Variants in CDH9 observed in about 807,000 individuals in gnomAD.
CDH9 encodes cadherin-9.
CDH9 carries 28 observed loss-of-function variants against 70.9 expected under a neutral mutation model. The ratio of observed to expected loss-of-function variants is 0.40; its 90% CI spans 0.29 to 0.54. The LOEUF (loss-of-function observed/expected upper bound fraction) is 0.54, where lower values mean the gene tolerates loss of function less well. Among genes scored for constraint, CDH9 ranks in the 20% least tolerant of loss-of-function variants. The probability of loss-of-function intolerance (pLI) is 0.59; values close to 1 mark genes in which losing one functional copy is unlikely to be tolerated. For missense variants in CDH9, 874 were observed against 984.4 expected, an observed-to-expected ratio of 0.89 and a Z score of 1.50; for synonymous variants, 409 against 343.1, an observed-to-expected ratio of 1.19 and a Z score of -2.12.
chr5:26,943,714 G>T (rs1267793406), intron 2 of CDH9, among the ~76,000 whole-genome samples: 1 of 152,156 alleles, frequency 6.6e-6, no homozygotes, highest in East Asian at 1.9e-4. Flanking sequence ...ATGGAAGTGG[G>T]AAGGTGATGG....
At chr5:27,020,939 T>C (rs971256746) in intron 1 of CDH9, among the ~76,000 whole-genome samples, 1 of 151,936 alleles carries the variant, frequency 6.6e-6, no homozygotes, top group South Asian at 2.1e-4. Flanking sequence ...TTAAACACTG[T>C]TATCAAAATA....
intron 1 of CDH9, among the ~76,000 whole-genome samples, chr5:26,997,221 C>A (rs1742681600): frequency 6.6e-6 from 1 of 151,796 alleles, no homozygotes; most frequent in South Asian, 2.1e-4. Flanking sequence ...AATAAATAAA[C>A]AAGGATCGAT....
At chr5:26,955,621 T>C (rs770976267) in intron 2 of CDH9, among the ~76,000 whole-genome samples, 2 of 152,104 alleles carry the variant, frequency 1.3e-5, no homozygotes, top group Non-Finnish European at 2.9e-5. Flanking sequence ...TGTTTCTCAT[T>C]ATTTCAATTT....
chr5:26,935,893 A>G (rs1237125166), intron 2 of CDH9, among the ~76,000 whole-genome samples: 1 of 152,228 alleles, frequency 6.6e-6, no homozygotes, highest in Non-Finnish European at 1.5e-5. Context: ...AGTGGCATAT[A>G]TATATACCAT....
intron 2 of CDH9, among the ~76,000 whole-genome samples, chr5:26,969,344 C>T (rs1742179301): frequency 6.6e-6 from 1 of 152,008 alleles, no homozygotes; most frequent in African/African-American, 2.4e-5. Context: ...TAATCCCCTG[C>T]CAAGTATTAA....
chr5:26,986,205 C>T (rs951473332), intron 2 of CDH9, among the ~76,000 whole-genome samples: 1 of 151,654 alleles, frequency 6.6e-6, no homozygotes, highest in Admixed American at 6.6e-5. Context: ...TATTTATTTC[C>T]CCCAAACATC....
Position 26,885,863 on chromosome 5 carries a change from T to C in CDH9, c.1633A>G (p.Asn545Asp), listed in dbSNP as rs1199762035. 11 of 1,612,626 alleles carry C rather than the reference T, an allele frequency of 6.8e-6. No individual in the cohort carries two copies. Among genetic ancestry groups the C allele is most frequent in the Non-Finnish European group, 8.5e-6 (10 of 1,179,032 alleles). ...TTCCGAGTCATGATTCCTGCTGTAT[T>C]ATCTGGGGGAGAAAACATGTAAAAA... ...PNFTIVDNKD[N>D]TAGIMTRKDG... is the part of the protein sequence containing the mutation. The change falls in exon 11 of 12, where the codon AAT becomes GAT. Residue 545 changes from asparagine to aspartate, a missense_variant and splice_region_variant. Asn to Asp is a conservative substitution (Grantham distance 23). Transcript: ENST00000231021.
At chr5:26,916,228 T>G (rs1452326145) in intron 2 of CDH9, among the ~76,000 whole-genome samples, 1 of 152,010 alleles carries the variant, frequency 6.6e-6, no homozygotes, top group Non-Finnish European at 1.5e-5. Flanking sequence ...TCCAGTGCAT[T>G]ACAAAAAAAT....
chr5:27,022,258 A>C (rs1743150664), intron 1 of CDH9, among the ~76,000 whole-genome samples: 1 of 151,998 alleles, frequency 6.6e-6, no homozygotes, highest in South Asian at 2.1e-4. Flanking sequence ...TTTTTAATCT[A>C]GTTTTTCACA....
chr5:26,886,579 G>A (rs955445279), intron 9 of CDH9, among the ~76,000 whole-genome samples: 1 of 151,860 alleles, frequency 6.6e-6, no homozygotes, highest in Admixed American at 6.6e-5. Context: ...AAATTTGTCT[G>A]TACTATCAGA....
chr5:26,951,084 G>A (rs1217689319), intron 2 of CDH9, among the ~76,000 whole-genome samples: 1 of 151,950 alleles, frequency 6.6e-6, no homozygotes, highest in Non-Finnish European at 1.5e-5. Flanking sequence ...ATGAAGTCAG[G>A]AGTTCGAGGC....
Position 26,908,847 on chromosome 5 carries a change from T to C in CDH9, c.524-2009A>G, listed in dbSNP as rs372718532. 3.7e-4 allele frequency among the ~76,000 whole-genome samples: 56 copies of C among 152,336 alleles called. No homozygotes were observed. The East Asian group carries it at 4.6e-3, about 13-fold the overall frequency. On this transcript the variant is annotated intron_variant, in intron 3 of 11. Coordinates refer to ENST00000231021, the MANE Select transcript of CDH9 (RefSeq NM_016279.4). ...AGTCACTGACAAAATATCATTGATA[T>C]GTTATTTTTTAGCAAACTGAGAGAC...
At chr5:26,954,064 C>A (rs1741897550) in intron 2 of CDH9, among the ~76,000 whole-genome samples, 1 of 152,084 alleles carries the variant, frequency 6.6e-6, no homozygotes, top group African/African-American at 2.4e-5. Context: ...TCCAAACTTA[C>A]CTGGTCATTA....
At chr5:26,988,434 C>A in intron 1 of CDH9, 52 bp from the exon 2 acceptor site, 1 of 1,443,620 alleles carries the variant, frequency 6.9e-7, no homozygotes, top group African/African-American at 1.4e-5. Context: ...TTTCACTTTC[C>A]CACAACGTGT....
chr5:26,915,483 A>C, intron 3 of CDH9, 147 bp downstream of exon 3: 1 of 544,332 alleles, frequency 1.8e-6, no homozygotes, highest in Non-Finnish European at 3.3e-6. Flanking sequence ...AGAAATAAAA[A>C]TAGAAGAGCT....
Position 27,025,106 on chromosome 5 carries a change from A to G in CDH9, c.-50+13357T>C, listed in dbSNP as rs3811934. 4.7e-4 allele frequency among the ~76,000 whole-genome samples: 72 copies of G among 152,232 alleles called. 1 individual carries two copies. In the East Asian group the frequency reaches 0.013, roughly 27 times the overall value. ...CCAAATTGGGTATTATTTATTTCTT[A>G]CAACATTTCAGCCAAAATGTGTAAT... On this transcript the variant is annotated intron_variant, in intron 1 of 11. Transcript: ENST00000231021.
At chr5:26,968,718 G>T (rs368407588) in intron 2 of CDH9, among the ~76,000 whole-genome samples, 2 of 150,368 alleles carry the variant, frequency 1.3e-5, no homozygotes, top group South Asian at 4.1e-4. Flanking sequence ...ATGGTTGGGG[G>T]GCAAATCTTT....
intron 1 of CDH9, among the ~76,000 whole-genome samples, chr5:27,000,722 A>G (rs1269858021): frequency 6.6e-6 from 1 of 152,280 alleles, no homozygotes; most frequent in East Asian, 1.9e-4. Flanking sequence ...TAGATTTTTA[A>G]TAGATGAATA....
At chr5:26,935,317 A>G (rs977309240) in intron 2 of CDH9, among the ~76,000 whole-genome samples, 1 of 152,190 alleles carries the variant, frequency 6.6e-6, no homozygotes, top group Non-Finnish European at 1.5e-5. Context: ...TACCCCTAAC[A>G]TGAGAAACAA....
Sources: gnomAD v4.1 joint callset for allele counts (sites outside exome capture counted in the v4.1 genomes callset) on GRCh38, gnomAD v4.1.1 for gene constraint, MANE v1.5 for transcripts, NCBI Gene and HGNC (gene_info 2026-07-23, HGNC 2026-07-21) for gene names.